Variants in LACTBL1 observed in about 807,000 individuals in gnomAD.
The protein encoded by LACTBL1 is lactamase beta like 1.
LACTBL1 carries 29 observed loss-of-function variants against 39.6 expected under a neutral mutation model. The ratio of observed to expected loss-of-function variants is 0.73; its 90% CI spans 0.55 to 1.00. LACTBL1 has a LOEUF of 1.00. LACTBL1 is among the 50% of genes least tolerant of loss of function. The pLI is 0.00. For synonymous variants in LACTBL1, 361 were observed against 360.7 expected (o/e 1.00, Z -0.01); for missense variants, 711 against 748.5 (o/e 0.95, Z 0.59).
chr1:22,957,267 G>T (rs1444916898), intron 4 of LACTBL1, among the ~76,000 whole-genome samples: 1 of 152,064 alleles, frequency 6.6e-6, no homozygotes, highest in Non-Finnish European at 1.5e-5. Context: ...CCCTATTGAT[G>T]GACATTTAGG....
chr1:22,958,968 C>T (rs1191189968), intron 3 of LACTBL1, 48 bp from the exon 6 acceptor site: 5 of 1,267,384 alleles, frequency 3.9e-6, no homozygotes, highest in Middle Eastern at 1.9e-4. Flanking sequence ...CCTGTTGGCC[C>T]CACAACCCAC....
chr1:22,958,431 A>G (rs1298384931), intron 4 of LACTBL1, among the ~76,000 whole-genome samples: 1 of 152,150 alleles, frequency 6.6e-6, no homozygotes, highest in Non-Finnish European at 1.5e-5. Context: ...CTTCATTTTG[A>G]CCTGCACTGA....
intron 2 of LACTBL1, among the ~76,000 whole-genome samples, chr1:22,960,891 C>A (rs909846677): frequency 6.6e-6 from 1 of 152,004 alleles, no homozygotes. Flanking sequence ...GTGATCCTCC[C>A]GCCTCAACCT....
intron 4 of LACTBL1, among the ~76,000 whole-genome samples, chr1:22,957,640 C>CTTT (rs34603019): frequency 3.4e-4 from 19 of 56,684 alleles, no homozygotes; most frequent in African/African-American, 6.1e-4. Context: ...TCTTAATATT[C>CTTT]TTTTTTTTTT....
At chr1:22,960,655 T>G (rs2124232351) in intron 2 of LACTBL1, among the ~76,000 whole-genome samples, 1 of 150,036 alleles carries the variant, frequency 6.7e-6, no homozygotes, top group African/African-American at 2.5e-5. Flanking sequence ...AGCTACTGCT[T>G]TAGTCAAACC....
chr1:22,958,572 C>G (rs1252543929), intron 4 of LACTBL1, 113 bp downstream of exon 6: 6 of 834,590 alleles, frequency 7.2e-6, no homozygotes. Context: ...GGACGTAGGG[C>G]CAGTTCAGGA....
At chr1:22,965,191 A>G (rs1428715204) in intron 1 of LACTBL1, 99 bp downstream of exon 3, 20 of 1,066,360 alleles carry the variant, frequency 1.9e-5, no homozygotes, top group Non-Finnish European at 2.2e-5. Flanking sequence ...TCTAAATCTT[A>G]TGGTCCTCCC....
At chr1:22,969,618 C>G (rs1289063255), upstream of LACTBL1, among the ~76,000 whole-genome samples, 2 of 152,074 alleles carry the variant, frequency 1.3e-5, no homozygotes, top group African/African-American at 4.8e-5. Context: ...TCCCCTGCCC[C>G]CTGTGTCTTT....
chr1:22,955,991 G>C (rs1640757338), intron 4 of LACTBL1, among the ~76,000 whole-genome samples: 1 of 150,550 alleles, frequency 6.6e-6, no homozygotes, highest in Non-Finnish European at 1.5e-5. Context: ...TTGAACCTGA[G>C]AGGTGGAGGT....
At position 22,958,689 on chromosome 1, in the gene LACTBL1, G is replaced by T. The variant is rs780333062; in HGVS notation, c.549C>A (p.Leu183=). 4 of 1,544,874 alleles carry T rather than the reference G, an allele frequency of 2.6e-6. No homozygotes were observed. In the South Asian group the frequency reaches 4.8e-5, roughly 19 times the overall value. The change falls in exon 4 of 6, where the codon CTC becomes CTA. Residue 183 remains leucine (L), a synonymous_variant. Coordinates refer to ENST00000426928, the Ensembl canonical transcript of LACTBL1. ...TGAGTCAGTTCTGAGACTCACCTGA[G>T]AGCTGGCTGGCCATCCTTCGAAGGG...
chr1:22,955,506 C>G (rs1333197323), intron 4 of LACTBL1, 80 bp from the exon 7 acceptor site: 2 of 857,392 alleles, frequency 2.3e-6, no homozygotes, highest in African/African-American at 3.4e-5. Flanking sequence ...CCCTCCCCAC[C>G]TTCCGTGAGT....
intron 4 of LACTBL1, among the ~76,000 whole-genome samples, chr1:22,956,327 T>C (rs1314148390): frequency 1.3e-5 from 2 of 150,936 alleles, no homozygotes; most frequent in Non-Finnish European, 3.0e-5. Flanking sequence ...GCCATATTCA[T>C]GCCACTGCAC....
intron 2 of LACTBL1, among the ~76,000 whole-genome samples, chr1:22,960,713 T>TA (rs1640813488): frequency 6.7e-6 from 1 of 150,082 alleles, no homozygotes; most frequent in Admixed American, 6.7e-5. Flanking sequence ...CCTGAACCCC[T>TA]AGTGTTGGGG....
At chr1:22,953,609 C>T (rs1218129456) in exon 6 of LACTBL1, 23 of 1,260,618 alleles carry the variant, frequency 1.8e-5, no homozygotes, top group Non-Finnish European at 2.3e-5. Context: ...TTGCGCACCA[C>T]GCGGTAGCCC....
At chr1:22,964,550 A>T (rs1273328350) in intron 1 of LACTBL1, among the ~76,000 whole-genome samples, 1 of 152,198 alleles carries the variant, frequency 6.6e-6, no homozygotes, top group East Asian at 1.9e-4. Flanking sequence ...GGAAATAATC[A>T]CTTGCTTTGT....
At chr1:22,958,963 T>G (rs996626235) in intron 3 of LACTBL1, 43 bp from the exon 6 acceptor site, 17 of 1,388,194 alleles carry the variant, frequency 1.2e-5, no homozygotes, top group Non-Finnish European at 1.7e-5. Flanking sequence ...GGCATCCTGT[T>G]GGCCCCACAA....
At chr1:22,968,365 A>G (rs909702515), upstream of LACTBL1, among the ~76,000 whole-genome samples, 1 of 152,114 alleles carries the variant, frequency 6.6e-6, no homozygotes, top group Non-Finnish European at 1.5e-5. Context: ...TTAGCCACAT[A>G]CTATTCTGTT....
chr1:22,953,410 G>T (rs1057213030), exon 6 of LACTBL1: 310 of 1,227,792 alleles, frequency 2.5e-4, no homozygotes, highest in Non-Finnish European at 3.0e-4. Context: ...GGGGTGCGCG[G>T]TGGGCGGCGG....
At chr1:22,970,871 C>T in the LACTBL1 span, among the ~76,000 whole-genome samples, 1 of 151,358 alleles carries the variant, frequency 6.6e-6, no homozygotes, top group Admixed American at 6.6e-5. Context: ...TAAATGATAC[C>T]TCAATTGTTA....
Sources: allele counts gnomAD v4.1 joint callset (sites outside exome capture counted in the v4.1 genomes callset), GRCh38; gene constraint gnomAD v4.1.1; transcripts MANE v1.5; gene names NCBI Gene and HGNC (gene_info 2026-07-23, HGNC 2026-07-21).